RYR3: variants seen among roughly 807,000 people sequenced by gnomAD.
The protein encoded by RYR3 is ryanodine receptor 3.
A neutral mutation model predicts 584.3 loss-of-function variants in RYR3; 207 were observed. The observed-to-expected ratio is 0.35, with a 90% CI of 0.32 to 0.40. The LOEUF (loss-of-function observed/expected upper bound fraction) is 0.40. Ranked by LOEUF, RYR3 falls within the 10% of genes least tolerant of loss-of-function variation. The pLI is 1.00. For missense variants in RYR3, 5,616 were observed against 6,089.2 expected (o/e 0.92, Z 2.59); for synonymous variants, 2,416 against 2,248.5 (o/e 1.07, Z -2.11).
chr15:33,729,076 A>T (rs767235841), intron 47 of RYR3, 50 bp downstream of exon 47: 1 of 1,498,918 alleles, frequency 6.7e-7, no homozygotes, highest in Non-Finnish European at 9.2e-7. Context: ...TTGTGAAATT[A>T]GTAATGTTGG....
intron 66 of RYR3, among the ~76,000 whole-genome samples, chr15:33,787,048 C>T (rs868862383): frequency 1.3e-5 from 2 of 152,032 alleles, no homozygotes; most frequent in Non-Finnish European, 2.9e-5. Context: ...TCAAAAAAAT[C>T]TCCTCCCTTA....
chr15:33,800,702 T>G (rs2075871087), intron 67 of RYR3, 68 bp from the exon 68 acceptor site: 9 of 1,138,552 alleles, frequency 7.9e-6, no homozygotes, highest in Non-Finnish European at 1.2e-5. Context: ...GCTGGTATAA[T>G]TTTTAGAGTG....
chr15:33,432,668 T>TTTTGTGTGTGTGTGTGTGTG (rs1555469374), intron 1 of RYR3, among the ~76,000 whole-genome samples: 1 of 132,142 alleles, frequency 7.6e-6, no homozygotes, highest in African/African-American at 3.2e-5. Flanking sequence ...GCCTAGCTAA[T>TTTTGTGTGTGTGTGTGTGTG]TGTGTGTGTG....
intron 1 of RYR3, among the ~76,000 whole-genome samples, chr15:33,351,235 C>A (rs1973203967): frequency 6.6e-6 from 1 of 152,116 alleles, no homozygotes; most frequent in African/African-American, 2.4e-5. Flanking sequence ...CTGAATAGAC[C>A]AATAACAGGA....
rs144154811 is a variant in RYR3, at chr15:33,500,307, A to G, written c.172-3324A>G. 5.8e-3 allele frequency among the ~76,000 whole-genome samples: 889 copies of G among 152,308 alleles called. 8 individuals are homozygous for G. Among genetic ancestry groups the G allele is most frequent in the African/African-American group, 0.02 (838 of 41,560 alleles). ...GGGCTTGGCTAGTGTATGCTAGCAC[A>G]GTGCGAAGTGAATGTTGTGGATTGC... is the stretch of plus-strand genomic sequence containing the variant. On this transcript the variant is annotated intron_variant, in intron 2 of 103. Coordinates refer to ENST00000634891, the MANE Select transcript of RYR3 (RefSeq NM_001036.6).
At chr15:33,641,720 A>G (rs2061836790) in intron 27 of RYR3, among the ~76,000 whole-genome samples, 1 of 151,948 alleles carries the variant, frequency 6.6e-6, no homozygotes, top group African/African-American at 2.4e-5. Context: ...AGCTGCGTCC[A>G]CTTAGCCTCC....
intron 72 of RYR3, among the ~76,000 whole-genome samples, 193 bp downstream of exon 72, chr15:33,811,230 G>T (rs147222856): frequency 1.3e-4 from 20 of 152,160 alleles, no homozygotes; most frequent in African/African-American, 4.8e-4. Flanking sequence ...ACATGGCTGG[G>T]CGCGGTGGCT....
At chr15:33,794,188 AAT>A (rs200972343) in intron 67 of RYR3, among the ~76,000 whole-genome samples, 66,328 of 121,680 alleles carry the variant, frequency 0.55, 20,019 homozygotes, top group East Asian at 0.96. Context: ...ATTATATATA[AAT>A]ATATATTATA....
At position 33,791,083 on chromosome 15, in the gene RYR3, C is replaced by T. The variant is rs141386526; in HGVS notation, c.9830+2625C>T. ...GGGTTAAAAGAATGAGAGAAAAGGA[C>T]TTGGATCTGGCAATACAGGCAACTT... On this transcript the variant is annotated intron_variant, in intron 67 of 103. Transcript: ENST00000634891. Among the ~76,000 whole-genome samples, 450 of 152,282 alleles carry T rather than the reference C, an allele frequency of 3.0e-3. 3 individuals are homozygous for T. Among genetic ancestry groups the T allele is most frequent in the African/African-American group, 0.01 (431 of 41,546 alleles).
At chr15:33,320,513 G>T (rs948753195) in intron 1 of RYR3, among the ~76,000 whole-genome samples, 1 of 152,198 alleles carries the variant, frequency 6.6e-6, no homozygotes, top group Non-Finnish European at 1.5e-5. Flanking sequence ...ACAGCTCAGG[G>T]TCAAGAGGGA....
chr15:33,430,915 G>A (rs1270664854), intron 1 of RYR3, among the ~76,000 whole-genome samples: 1 of 152,110 alleles, frequency 6.6e-6, no homozygotes, highest in African/African-American at 2.4e-5. Context: ...CCAACTGCCG[G>A]CAGCCTCAGA....
chr15:33,425,360 T>G (rs1430275573), intron 1 of RYR3, among the ~76,000 whole-genome samples: 1 of 152,178 alleles, frequency 6.6e-6, no homozygotes, highest in East Asian at 1.9e-4. Context: ...AAATTCTGAC[T>G]CCTCCTGTCG....
At chr15:33,847,872 G>A (rs2078826612) in intron 93 of RYR3, among the ~76,000 whole-genome samples, 1 of 152,148 alleles carries the variant, frequency 6.6e-6, no homozygotes, top group Non-Finnish European at 1.5e-5. Flanking sequence ...GAAGGGAGTT[G>A]GAACATTTCA....
chr15:33,687,961 T>A (rs2065134026), intron 38 of RYR3, among the ~76,000 whole-genome samples: 1 of 152,108 alleles, frequency 6.6e-6, no homozygotes, highest in African/African-American at 2.4e-5. Context: ...ATAAAAACCG[T>A]AGAAGAAAAC....
At chr15:33,850,843 T>C (rs995391720) in intron 94 of RYR3, 2 of 152,196 alleles carry the variant, frequency 1.3e-5, no homozygotes, top group Non-Finnish European at 2.9e-5. Flanking sequence ...TTTTTGATGT[T>C]CATTAGTGGT....
chr15:33,600,634 A>T (rs2059613052), intron 16 of RYR3, among the ~76,000 whole-genome samples: 1 of 152,092 alleles, frequency 6.6e-6, no homozygotes, highest in Non-Finnish European at 1.5e-5. Context: ...GCCACCTGGG[A>T]TCTTGAAAGT....
intron 1 of RYR3, among the ~76,000 whole-genome samples, chr15:33,320,963 C>T (rs1968885971): frequency 6.6e-6 from 1 of 152,164 alleles, no homozygotes; most frequent in Non-Finnish European, 1.5e-5. Flanking sequence ...TAAATATGAG[C>T]AGGCTTTGTG....
intron 38 of RYR3, among the ~76,000 whole-genome samples, chr15:33,690,462 TATATG>T (rs1158337337): frequency 6.6e-6 from 1 of 152,262 alleles, no homozygotes. Flanking sequence ...TTACTCTTCT[TATATG>T]AGATACTCTT....
At chr15:33,630,219 T>C (rs1401112065) in intron 22 of RYR3, among the ~76,000 whole-genome samples, 176 bp downstream of exon 22, 2 of 152,310 alleles carry the variant, frequency 1.3e-5, no homozygotes, top group Admixed American at 6.5e-5. Context: ...ACCATTATTA[T>C]TGACTATATT....
Sources: gnomAD v4.1 joint callset for allele counts (sites outside exome capture counted in the v4.1 genomes callset) on GRCh38, gnomAD v4.1.1 for gene constraint, MANE v1.5 for transcripts, NCBI Gene and HGNC (gene_info 2026-07-23, HGNC 2026-07-21) for gene names.